WDHD1: variants seen among roughly 807,000 people sequenced by gnomAD.
WDHD1 encodes the protein WD repeat and HMG-box DNA binding protein 1, also known as WD repeat and HMG-box DNA-binding protein 1.
Under a neutral mutation model 135.4 loss-of-function variants are expected in WDHD1, and 111 were observed. The ratio of observed to expected loss-of-function variants is 0.82; its 90% confidence interval spans 0.70 to 0.96. The LOEUF (loss-of-function observed/expected upper bound fraction) is 0.96, where lower values mean the gene tolerates loss of function less well. WDHD1 is among the 40% of genes least tolerant of loss of function. The pLI is 0.00. For missense variants in WDHD1, 1,351 were observed against 1,336.3 expected, an observed-to-expected ratio of 1.01 and a Z score of -0.17; for synonymous variants, 434 against 439.0, an observed-to-expected ratio of 0.99 and a Z score of 0.14.
intron 10 of WDHD1, among the ~76,000 whole-genome samples, chr14:54,998,191 G>A (rs1279287416): frequency 5.5e-5 from 8 of 146,062 alleles, no homozygotes; most frequent in Admixed American, 4.8e-4. Context: ...GGCAACAGAA[G>A]GAGACTTTGC....
At chr14:55,016,041 C>T (rs889285008) in intron 2 of WDHD1, among the ~76,000 whole-genome samples, 3 of 152,238 alleles carry the variant, frequency 2.0e-5, no homozygotes, top group East Asian at 1.9e-4. Flanking sequence ...CTGGAGGAGA[C>T]GTACAAAGTT....
At chr14:54,984,008 T>C (rs1258940635) in intron 15 of WDHD1, among the ~76,000 whole-genome samples, 1 of 152,164 alleles carries the variant, frequency 6.6e-6, no homozygotes, top group Non-Finnish European at 1.5e-5. Flanking sequence ...ATCTCAGCCA[T>C]ATTTCAAGTG....
At chr14:54,946,624 C>T (rs1013954797) in intron 24 of WDHD1, among the ~76,000 whole-genome samples, 2 of 152,278 alleles carry the variant, frequency 1.3e-5, no homozygotes, top group Admixed American at 6.5e-5. Flanking sequence ...GTTGGGACTA[C>T]AGGCATGTGC....
rs145036932 is a variant in WDHD1 at position 55,026,658 on chromosome 14, G to A, written c.77+53C>T. ...AGCTGACTGCACATATAAAGTTTAA[G>A]GATAAATGTTTTAACATTTGCACCT... On this transcript the variant is annotated intron_variant, in intron 2 of 25. Transcript: ENST00000360586. 4 of 1,563,960 alleles carry A rather than the reference G, an allele frequency of 2.6e-6. No homozygotes were observed. The African/African-American group carries it at 5.4e-5, about 21-fold the overall frequency.
intron 18 of WDHD1, among the ~76,000 whole-genome samples, chr14:54,965,513 A>G (rs1284571633): frequency 6.6e-6 from 1 of 152,236 alleles, no homozygotes; most frequent in Non-Finnish European, 1.5e-5. Flanking sequence ...GTATATACTC[A>G]AACTTTGTAA....
At chr14:55,008,241 G>T in intron 6 of WDHD1, 75 bp downstream of exon 6, 3 of 1,362,654 alleles carry the variant, frequency 2.2e-6, no homozygotes, top group South Asian at 2.6e-5. Flanking sequence ...TTATTAATTT[G>T]GCCCAGTAAT....
chr14:54,975,559 G>T (rs1222393067), intron 16 of WDHD1, among the ~76,000 whole-genome samples: 1 of 152,222 alleles, frequency 6.6e-6, no homozygotes, highest in East Asian at 1.9e-4. Flanking sequence ...TGTTGGCCAG[G>T]ATAGTCTCAA....
intron 16 of WDHD1, among the ~76,000 whole-genome samples, chr14:54,971,756 G>C (rs1022609349): frequency 8.3e-6 from 1 of 120,064 alleles, no homozygotes; most frequent in African/African-American, 3.1e-5. Context: ...CAGAATGCAA[G>C]AAAATGTTCG....
intron 13 of WDHD1, among the ~76,000 whole-genome samples, chr14:54,988,774 AT>A (rs2041736134): frequency 6.6e-6 from 1 of 151,330 alleles, no homozygotes; most frequent in Admixed American, 6.6e-5. Context: ...TAAAAAAAAA[AT>A]CCCATCTCTT....
At chr14:54,977,623 A>G (rs1444597260) in intron 16 of WDHD1, among the ~76,000 whole-genome samples, 1 of 152,226 alleles carries the variant, frequency 6.6e-6, no homozygotes, top group Non-Finnish European at 1.5e-5. Context: ...CATTTAAAAA[A>G]GGACTCTTGT....
rs199634084 is a variant in WDHD1 at position 54,962,783 on chromosome 14, T to C, written c.2602A>G (p.Ser868Gly). ...TTTTCTTCATCATCAGCTTCTCCAC[T>C]GTCCTCAGCATCTTCTTCAACTTGA... ...RNQVEEDAED[S>G]GEADDEEKPE... Residue 868 changes from serine (S) to glycine (G), a missense_variant, in exon 20 of 26, where the codon AGT becomes GGT. Physicochemically the swap from Ser to Gly is moderately conservative, Grantham distance 56. Around this residue, in one of 2 missense-constraint regions of WDHD1, gnomAD observed 1,330 missense variants for 1,296.1 expected, o/e 1.03. Transcript: ENST00000360586. 32 of 1,613,708 alleles carry C rather than the reference T, an allele frequency of 2.0e-5. No individual in the cohort carries two copies. Among genetic ancestry groups the C allele is most frequent in the African/African-American group, 1.3e-5 (1 of 74,934 alleles).
chr14:54,972,601 G>A lies in WDHD1; in HGVS notation c.2064-5207C>T, dbSNP rs2041459008. Among the ~76,000 whole-genome samples the A allele has an allele frequency of 4.5e-5, 5 of 110,204 alleles. 2 individuals carry two copies. Among genetic ancestry groups the A allele is most frequent in the African/African-American group, 9.8e-5 (3 of 30,642 alleles). 72.3% of individuals were successfully genotyped at this position (110,204 alleles called of 152,430 possible). A position where few individuals can be genotyped will look rare whatever the true frequency, so the allele number is the denominator to read the frequency against. On this transcript the variant is annotated intron_variant, in intron 16 of 25. Coordinates refer to ENST00000360586, the MANE Select transcript of WDHD1 (RefSeq NM_007086.4). ...AAAAAAAAAAAAAAATGCCAATGAGGCATATTCACTTTCATCCATCAGTTT... is the reference window on the plus strand; with the variant it reads ...AAAAAAAAAAAAAAATGCCAATGAGACATATTCACTTTCATCCATCAGTTT...
Position 54,972,568 on chromosome 14 carries a change from AAAAAAAAAAAAAAAAAAAAAAAT to A in WDHD1, c.2064-5197_2064-5175del, listed in dbSNP as rs1326520757. ...AAGACTGTCACAAAAAAAAAAAAAAAAAAAAAAAAAAAAAAAAAAAAATGCCAATGAGGCATATTCACTTTCAT... is the reference window on the plus strand; with the variant it reads ...AAGACTGTCACAAAAAAAAAAAAAAAGCCAATGAGGCATATTCACTTTCAT... On this transcript the variant is annotated intron_variant, in intron 16 of 25. Coordinates refer to ENST00000360586, the MANE Select transcript of WDHD1 (RefSeq NM_007086.4). 5.9e-3 allele frequency among the ~76,000 whole-genome samples: 687 copies of A among 115,856 alleles called. 34 individuals are homozygous for A. The highest frequency in any genetic ancestry group is 0.02 in the African/African-American group (647 of 31,616). 76.0% of individuals were successfully genotyped at this position (115,856 alleles called of 152,430 possible).
At chr14:54,964,076 C>G (rs1196543580) in intron 18 of WDHD1, among the ~76,000 whole-genome samples, 1 of 152,124 alleles carries the variant, frequency 6.6e-6, no homozygotes, top group Non-Finnish European at 1.5e-5. Flanking sequence ...CCACTGTACT[C>G]TAGCCTGGGT....
At chr14:54,949,106 C>CA (rs1395839624) in intron 24 of WDHD1, among the ~76,000 whole-genome samples, 2 of 152,162 alleles carry the variant, frequency 1.3e-5, no homozygotes, top group African/African-American at 2.4e-5. Flanking sequence ...TCTCCCCCCC[C>CA]AAAGGAACGC....
intron 2 of WDHD1, among the ~76,000 whole-genome samples, chr14:55,022,854 C>T (rs1006454847): frequency 3.7e-5 from 5 of 136,468 alleles, no homozygotes; most frequent in East Asian, 2.1e-4. Context: ...GATGGAGTTT[C>T]GCTCTTGATC....
intron 21 of WDHD1, 23 bp from the exon 22 acceptor site, chr14:54,957,658 G>T (rs760502630): frequency 1.3e-6 from 2 of 1,593,334 alleles, no homozygotes; most frequent in Non-Finnish European, 1.7e-6. Flanking sequence ...AGAAACCCTT[G>T]CTTAATAATG....
intron 2 of WDHD1, among the ~76,000 whole-genome samples, chr14:55,020,585 GT>G (rs2042329767): frequency 6.6e-6 from 1 of 152,142 alleles, no homozygotes; most frequent in Non-Finnish European, 1.5e-5. Context: ...CAAGTTCACA[GT>G]AATAAATATT....
chr14:55,007,942 A>T (rs532663756), intron 6 of WDHD1, among the ~76,000 whole-genome samples: 13 of 152,190 alleles, frequency 8.5e-5, no homozygotes, highest in African/African-American at 3.1e-4. Flanking sequence ...GCATTTGAAT[A>T]AACTGTATAT....
Sources: gnomAD v4.1 joint callset for allele counts (sites outside exome capture counted in the v4.1 genomes callset) on GRCh38, gnomAD v4.1.1 for gene constraint, gnomAD v4.1.1 regional missense constraint, MANE v1.5 for transcripts, NCBI Gene and HGNC (gene_info 2026-07-23, HGNC 2026-07-21) for gene names.